The following XKR4 variants were observed in gnomAD, a reference collection of about 807,000 sequenced individuals.
XKR4 encodes the protein XK related 4.
A neutral mutation model predicts 53.9 loss-of-function variants in XKR4; 12 were observed. The observed-to-expected ratio is 0.22, with a 90% CI of 0.14 to 0.36. The LOEUF is 0.36. Among genes scored for constraint, XKR4 ranks in the 10% least tolerant of loss-of-function variants. The pLI is 1.00. For synonymous variants in XKR4, 354 were observed against 362.4 expected (o/e 0.98, Z 0.26); for missense variants, 799 against 859.5 (o/e 0.93, Z 0.88).
chr8:55,119,422 GA>G (rs200480329), intron 1 of XKR4, among the ~76,000 whole-genome samples: 3 of 150,574 alleles, frequency 2.0e-5, no homozygotes, highest in African/African-American at 2.4e-5. Context: ...ATGTTAAGCA[GA>G]AAAAAAAAGG....
At chr8:55,227,172 G>A (rs753025585) in intron 1 of XKR4, among the ~76,000 whole-genome samples, 11 of 152,150 alleles carry the variant, frequency 7.2e-5, no homozygotes, top group African/African-American at 1.7e-4. Context: ...TCTCATCTGC[G>A]TTGTTCCCTA....
At chr8:55,299,933 T>A (rs962707020) in intron 1 of XKR4, among the ~76,000 whole-genome samples, 1 of 152,064 alleles carries the variant, frequency 6.6e-6, no homozygotes, top group African/African-American at 2.4e-5. Context: ...TGTCACCAAC[T>A]CACACTCACT....
At chr8:55,501,325 C>T (rs1000011549) in intron 2 of XKR4, among the ~76,000 whole-genome samples, 4 of 152,242 alleles carry the variant, frequency 2.6e-5, no homozygotes, top group Non-Finnish European at 4.4e-5. Flanking sequence ...AACATGTTAA[C>T]CATTTTTAAG....
At chr8:55,281,781 G>T (rs1483894036) in intron 1 of XKR4, among the ~76,000 whole-genome samples, 1 of 152,182 alleles carries the variant, frequency 6.6e-6, no homozygotes, top group Non-Finnish European at 1.5e-5. Context: ...TCCTTAGTAT[G>T]ATTTTTTCCC....
intron 2 of XKR4, among the ~76,000 whole-genome samples, chr8:55,372,168 C>G (rs1449845244): frequency 6.6e-6 from 1 of 152,196 alleles, no homozygotes; most frequent in East Asian, 1.9e-4. Flanking sequence ...CTGTTTGGAA[C>G]AAAGAAGCAT....
chr8:55,365,171 G>A (rs1454949836), intron 2 of XKR4, among the ~76,000 whole-genome samples: 1 of 152,288 alleles, frequency 6.6e-6, no homozygotes, highest in East Asian at 1.9e-4. Flanking sequence ...GGCTGCCCTG[G>A]GATGTGGAGC....
At chr8:55,321,578 A>T (rs1437720559) in intron 1 of XKR4, among the ~76,000 whole-genome samples, 3 of 152,164 alleles carry the variant, frequency 2.0e-5, no homozygotes, top group Non-Finnish European at 4.4e-5. Flanking sequence ...TTGTAGACTC[A>T]TCCTTCCCTA....
At chr8:55,262,548 C>CT (rs2129371321) in intron 1 of XKR4, among the ~76,000 whole-genome samples, 1 of 152,304 alleles carries the variant, frequency 6.6e-6, no homozygotes, top group African/African-American at 2.4e-5. Flanking sequence ...AAGATCAGAG[C>CT]TTTCTCTCAC....
At chr8:55,379,675 C>T (rs554327017) in intron 2 of XKR4, among the ~76,000 whole-genome samples, 7 of 152,238 alleles carry the variant, frequency 4.6e-5, no homozygotes, top group Non-Finnish European at 8.8e-5. Context: ...GCTGCTGTCA[C>T]CCTGCTTCTG....
At chr8:55,450,951 G>A in intron 2 of XKR4, 1 of 497,354 alleles carries the variant, frequency 2.0e-6, no homozygotes, top group Non-Finnish European at 3.8e-6. Context: ...GCGCAGGAAG[G>A]AGACTAGGCT....
chr8:55,320,701 C>A (rs911815253), intron 1 of XKR4, among the ~76,000 whole-genome samples: 2 of 152,146 alleles, frequency 1.3e-5, no homozygotes, highest in Non-Finnish European at 2.9e-5. Flanking sequence ...CTGATTCTGG[C>A]AGTCTGCATG....
chr8:55,151,462 T>A (rs1411234919), intron 1 of XKR4, among the ~76,000 whole-genome samples: 1 of 152,176 alleles, frequency 6.6e-6, no homozygotes, highest in Non-Finnish European at 1.5e-5. Flanking sequence ...TACAAAATGA[T>A]CAGTGAATAA....
intron 1 of XKR4, among the ~76,000 whole-genome samples, chr8:55,219,956 T>C (rs2087011552): frequency 1.3e-5 from 2 of 152,290 alleles, no homozygotes; most frequent in African/African-American, 4.8e-5. Flanking sequence ...TTATGGGCAC[T>C]AATCTGGAAT....
chr8:55,248,936 G>T (rs1818329057), intron 1 of XKR4, among the ~76,000 whole-genome samples: 3 of 151,942 alleles, frequency 2.0e-5, no homozygotes, highest in Admixed American at 1.3e-4. Context: ...CCTTGATTTG[G>T]CAAAGGAAGA....
intron 2 of XKR4, chr8:55,454,059 A>T (rs1379111256): frequency 1.4e-5 from 12 of 833,732 alleles, no homozygotes; most frequent in Non-Finnish European, 2.0e-5. Flanking sequence ...AGCTGATGGA[A>T]GAGCCGCAGC....
chr8:55,274,418 C>G (rs1259181290), intron 1 of XKR4, among the ~76,000 whole-genome samples: 1 of 151,630 alleles, frequency 6.6e-6, no homozygotes, highest in African/African-American at 2.4e-5. Context: ...TTGAATATAT[C>G]TGTGGGTCCA....
At chr8:55,449,824 C>T (rs1380497398) in intron 2 of XKR4, 4 of 1,171,530 alleles carry the variant, frequency 3.4e-6, no homozygotes, top group African/African-American at 1.5e-5. Context: ...ACAGAGTGCC[C>T]TCGTAGGACC....
intron 2 of XKR4, among the ~76,000 whole-genome samples, chr8:55,402,335 A>G (rs1804613315): frequency 6.6e-6 from 1 of 152,172 alleles, no homozygotes; most frequent in African/African-American, 2.4e-5. Flanking sequence ...CATGCAGACC[A>G]AACACTTAGA....
intron 1 of XKR4, among the ~76,000 whole-genome samples, chr8:55,305,412 C>T (rs751750430): frequency 2.6e-5 from 4 of 151,942 alleles, no homozygotes; most frequent in South Asian, 2.1e-4. Context: ...AGGGGGTCAC[C>T]GGAAGGCTAC....
Sources: gnomAD v4.1 joint callset for allele counts (sites outside exome capture counted in the v4.1 genomes callset) on GRCh38, gnomAD v4.1.1 for gene constraint, MANE v1.5 for transcripts, NCBI Gene and HGNC (gene_info 2026-07-23, HGNC 2026-07-21) for gene names.